Variants in PHACTR3 observed in about 807,000 individuals in gnomAD.
The protein encoded by PHACTR3 is protein phosphatase 1, regulatory subunit 123.
PHACTR3 carries 16 observed loss-of-function variants against 66.8 expected under a neutral mutation model. The observed-to-expected ratio is 0.24, with a 90% CI of 0.16 to 0.36. PHACTR3 has a LOEUF of 0.36. Ranked by LOEUF, PHACTR3 falls within the 10% of genes least tolerant of loss-of-function variation. PHACTR3 has a pLI of 1.00. For missense variants in PHACTR3, 647 were observed against 719.9 expected (o/e 0.90, Z 1.16); for synonymous variants, 323 against 292.1 (o/e 1.11, Z -1.08).
chr20:59,578,043 A>C (rs887142994), intron 1 of PHACTR3, among the ~76,000 whole-genome samples: 4 of 152,184 alleles, frequency 2.6e-5, no homozygotes, highest in Admixed American at 2.6e-4. Context: ...CACCCAAGGG[A>C]GGGCTCTGTG....
At chr20:59,633,379 T>C (rs2034737788) in intron 1 of PHACTR3, among the ~76,000 whole-genome samples, 1 of 152,118 alleles carries the variant, frequency 6.6e-6, no homozygotes, top group African/African-American at 2.4e-5. Flanking sequence ...GAAGCCATCA[T>C]CCTCAGCAAA....
chr20:59,580,324 T>G (rs1482711448), intron 1 of PHACTR3, among the ~76,000 whole-genome samples: 2 of 152,148 alleles, frequency 1.3e-5, no homozygotes, highest in Non-Finnish European at 2.9e-5. Flanking sequence ...CCCTTTGACT[T>G]CATTCCTTTT....
At chr20:59,687,372 G>C (rs565236737) in intron 1 of PHACTR3, among the ~76,000 whole-genome samples, 1 of 152,296 alleles carries the variant, frequency 6.6e-6, no homozygotes, top group Non-Finnish European at 1.5e-5. Flanking sequence ...ATTTGAAAAA[G>C]TGGAATAGAG....
chr20:59,686,323 A>G (rs1235719371), intron 1 of PHACTR3, among the ~76,000 whole-genome samples: 1 of 152,222 alleles, frequency 6.6e-6, no homozygotes, highest in Non-Finnish European at 1.5e-5. Context: ...TTTATGCCAC[A>G]AAACCTCAGT....
chr20:59,644,827 G>C (rs752122618), intron 1 of PHACTR3, among the ~76,000 whole-genome samples: 1 of 152,064 alleles, frequency 6.6e-6, no homozygotes, highest in Non-Finnish European at 1.5e-5. Context: ...TCATTTGTTG[G>C]CCAGTGTTTT....
chr20:59,604,332 T>G (rs1441053365), upstream of PHACTR3, among the ~76,000 whole-genome samples: 1 of 152,042 alleles, frequency 6.6e-6, no homozygotes, highest in African/African-American at 2.4e-5. Flanking sequence ...GCTTTCCTGT[T>G]TCTAGAGCAC....
intron 8 of PHACTR3, among the ~76,000 whole-genome samples, chr20:59,807,127 T>A (rs1014359447): frequency 1.7e-4 from 26 of 151,760 alleles, no homozygotes; most frequent in Admixed American, 1.6e-3. Flanking sequence ...TTACATAAAC[T>A]TTTTTTTTCT....
chr20:59,741,856 G>A (rs1226114532), intron 1 of PHACTR3, among the ~76,000 whole-genome samples: 5 of 151,594 alleles, frequency 3.3e-5, no homozygotes, highest in African/African-American at 1.2e-4. Flanking sequence ...TTTGCCTCCC[G>A]GGTTGAAACA....
At chr20:59,675,504 T>G (rs545617886) in intron 1 of PHACTR3, among the ~76,000 whole-genome samples, 1 of 152,342 alleles carries the variant, frequency 6.6e-6, no homozygotes, top group Admixed American at 6.5e-5. Context: ...CTATTGTCCC[T>G]GTCTCCGAGG....
rs548196124 is a variant in PHACTR3 at position 59,830,094 on chromosome 20, C to T, written c.1329-6411C>T. 3.2e-3 allele frequency among the ~76,000 whole-genome samples: 486 copies of T among 152,208 alleles called. 3 individuals are homozygous for T. Among genetic ancestry groups the T allele is most frequent in the Admixed American group, 5.8e-3 (88 of 15,280 alleles). ...AACTGGTACAAACTTGGCACTGAGACGGCGTCTGATGGGAGAAGAGGGGGT... is the reference window on the plus strand; with the variant it reads ...AACTGGTACAAACTTGGCACTGAGATGGCGTCTGATGGGAGAAGAGGGGGT... On this transcript the variant is annotated intron_variant, in intron 8 of 12. Coordinates refer to ENST00000371015, the MANE Select transcript of PHACTR3 (RefSeq NM_080672.5). The surrounding 1 kb of genome is among the most constrained non-coding windows in gnomAD (Gnocchi z 5.8).
At chr20:59,622,224 A>C (rs1217576115) in intron 1 of PHACTR3, among the ~76,000 whole-genome samples, 1 of 151,488 alleles carries the variant, frequency 6.6e-6, no homozygotes, top group Non-Finnish European at 1.5e-5. Context: ...GCCATGGTGC[A>C]TCCCTCCTGC....
chr20:59,665,194 G>T (rs942743927), intron 1 of PHACTR3, among the ~76,000 whole-genome samples: 1 of 152,162 alleles, frequency 6.6e-6, no homozygotes, highest in Non-Finnish European at 1.5e-5. Context: ...ACCATTTTCA[G>T]TGTGATTACT....
intron 1 of PHACTR3, chr20:59,628,513 C>A: frequency 4.0e-6 from 2 of 495,470 alleles, no homozygotes; most frequent in Non-Finnish European, 5.2e-6. Flanking sequence ...GGAGTGCAGC[C>A]GTGCATGGGG....
chr20:59,790,588 C>T (rs1236707823), intron 7 of PHACTR3, among the ~76,000 whole-genome samples: 1 of 152,206 alleles, frequency 6.6e-6, no homozygotes, highest in East Asian at 1.9e-4. Context: ...GATGTTCACA[C>T]TGTGGGGTTA....
chr20:59,755,624 A>G (rs1186456190), intron 4 of PHACTR3, among the ~76,000 whole-genome samples: 3 of 72,790 alleles, frequency 4.1e-5, no homozygotes, highest in African/African-American at 1.2e-4. Context: ...TCCCTGGCAC[A>G]CCTACCCCCC....
At chr20:59,611,766 C>A (rs902875200) in intron 1 of PHACTR3, among the ~76,000 whole-genome samples, 5 of 152,198 alleles carry the variant, frequency 3.3e-5, no homozygotes, top group Non-Finnish European at 7.3e-5. Flanking sequence ...TTCCTGGCTC[C>A]CCAGCTTGTG....
At chr20:59,591,078 C>T (rs565721759) in intron 1 of PHACTR3, among the ~76,000 whole-genome samples, 1 of 152,232 alleles carries the variant, frequency 6.6e-6, no homozygotes, top group Non-Finnish European at 1.5e-5. Flanking sequence ...CTTGTGGCTT[C>T]CATGATGGGC....
rs542683238 is a variant in PHACTR3 at position 59,759,302 on chromosome 20, T to C, written c.541+3938T>C. On this transcript the variant is annotated intron_variant, in intron 4 of 12. Transcript: ENST00000371015. The stretch of plus-strand genomic sequence containing the variant: ...AGCTTGGCCATGAGCAACATCCCTA[T>C]AAACGGGGTATAACTTAACACAGGG... Among the ~76,000 whole-genome samples, 40 of 152,336 alleles carry C rather than the reference T, an allele frequency of 2.6e-4. No individual in the cohort carries two copies. The South Asian group carries it at 5.2e-3, about 20-fold the overall frequency.
At chr20:59,846,221 G>A (rs997891172) in intron 12 of PHACTR3, among the ~76,000 whole-genome samples, 2 of 152,126 alleles carry the variant, frequency 1.3e-5, no homozygotes, top group Non-Finnish European at 1.5e-5. Flanking sequence ...TTCCAAAGTG[G>A]CCACTGCAAT....
Sources: allele counts gnomAD v4.1 joint callset (sites outside exome capture counted in the v4.1 genomes callset), GRCh38; gene constraint gnomAD v4.1.1; non-coding constraint Gnocchi (gnomAD v3.1); transcripts MANE v1.5; gene names NCBI Gene and HGNC (gene_info 2026-07-23, HGNC 2026-07-21).